The following PKD2 variants were observed in gnomAD, a reference collection of about 807,000 sequenced individuals.
PKD2 encodes the protein polycystin 2, transient receptor potential cation channel.
A neutral mutation model predicts 105.9 loss-of-function variants in PKD2; 48 were observed. That is an observed-to-expected ratio of 0.45 (90% CI 0.36 to 0.58). The LOEUF is 0.58. Ranked by LOEUF, PKD2 falls within the 20% of genes least tolerant of loss-of-function variation. The pLI, the probability that PKD2 is intolerant of heterozygous loss-of-function variation, is 0.00. For missense variants in PKD2, 1,078 were observed against 1,255.3 expected, an observed-to-expected ratio of 0.86 and a Z score of 2.13; for synonymous variants, 464 against 481.1, an observed-to-expected ratio of 0.96 and a Z score of 0.46.
In PKD2 at chr4:88,074,846, A is replaced by G. The variant is rs1721173433; in HGVS notation, c.2557A>G (p.Ile853Val). The part of the protein sequence containing the change: ...VRRVDRMEHS[I>V]GSIVSKIDAV... ...ACGAGTGGACCGGATGGAGCATTCCATCGGCAGCATAGTGTCCAAGATTGA... is the reference window on the plus strand; with the variant it reads ...ACGAGTGGACCGGATGGAGCATTCCGTCGGCAGCATAGTGTCCAAGATTGA... Residue 853 changes from isoleucine to valine, a missense_variant, in exon 14 of 15, where the codon ATC (isoleucine) becomes GTC (valine). This residue lies in a region of PKD2 where 868 missense variants were observed against 1,067.3 expected (regional missense o/e 0.81). Transcript: ENST00000237596. 6.2e-7 allele frequency: 1 copy of G among 1,614,106 alleles called. No individual in the cohort carries two copies. The highest frequency in any genetic ancestry group is 8.5e-7 in the Non-Finnish European group (1 of 1,179,964).
chr4:88,037,338 A>G (rs571712604), intron 3 of PKD2, among the ~76,000 whole-genome samples: 22 of 152,338 alleles, frequency 1.4e-4, no homozygotes, highest in South Asian at 8.3e-4. Flanking sequence ...ACAAATTCCA[A>G]CGTAGTTAAC....
chr4:88,073,917 G>A (rs993418273), intron 13 of PKD2, among the ~76,000 whole-genome samples: 14 of 152,202 alleles, frequency 9.2e-5, no homozygotes, highest in African/African-American at 2.6e-4. Flanking sequence ...TTTGGCTTAC[G>A]AGTTTTTAAA....
chr4:88,020,291 A>T (rs1237221640), intron 2 of PKD2, among the ~76,000 whole-genome samples: 1 of 152,234 alleles, frequency 6.6e-6, no homozygotes, highest in Non-Finnish European at 1.5e-5. Context: ...TTATTGGCGT[A>T]TACATGTAAT....
At chr4:88,023,535 A>G (rs1726842179) in intron 2 of PKD2, among the ~76,000 whole-genome samples, 1 of 152,234 alleles carries the variant, frequency 6.6e-6, no homozygotes, top group Non-Finnish European at 1.5e-5. Flanking sequence ...TAGGGTTTTA[A>G]AAAGCAGTTT....
rs146201167 is a variant in PKD2 at position 88,029,687 on chromosome 4, A to G, written c.710-6533A>G. 5.0e-3 allele frequency among the ~76,000 whole-genome samples: 759 copies of G among 152,344 alleles called. 9 individuals carry two copies. The highest frequency in any genetic ancestry group is 0.017 in the African/African-American group (720 of 41,576). ...TGGTCAGTAATTTAATTAAAAACAGATTTAGGCCCTGACCTTAAATGTGAT... is the reference window on the plus strand; with the variant it reads ...TGGTCAGTAATTTAATTAAAAACAGGTTTAGGCCCTGACCTTAAATGTGAT... On this transcript the variant is annotated intron_variant, in intron 2 of 14. Coordinates refer to ENST00000237596, the MANE Select transcript of PKD2 (RefSeq NM_000297.4).
chr4:88,008,850 TTGG>T (rs1418000147), intron 1 of PKD2, among the ~76,000 whole-genome samples: 4 of 152,288 alleles, frequency 2.6e-5, no homozygotes, highest in African/African-American at 9.6e-5. Flanking sequence ...CAGATTGTCA[TTGG>T]TGCATTTTTT....
chr4:88,011,648 C>G (rs1219876081), intron 1 of PKD2, among the ~76,000 whole-genome samples: 4 of 152,002 alleles, frequency 2.6e-5, no homozygotes, highest in East Asian at 1.9e-4. Context: ...TTCTGCCTTC[C>G]CTTTCGATGT....
intron 2 of PKD2, among the ~76,000 whole-genome samples, chr4:88,031,294 A>G (rs1727140550): frequency 6.6e-6 from 1 of 152,252 alleles, no homozygotes; most frequent in Non-Finnish European, 1.5e-5. Flanking sequence ...TCAACTTATG[A>G]TATTTTCAAT....
rs186832350 is a variant in PKD2, at chr4:88,065,243, A to G, written c.2119-131A>G. 9.0e-4 allele frequency: 714 copies of G among 797,334 alleles called. 5 individuals are homozygous for G. Among genetic ancestry groups the G allele is most frequent in the African/African-American group, 8.0e-3 (466 of 58,432 alleles). 49.4% of individuals were successfully genotyped at this position (797,334 alleles called of 1,614,324 possible). A position where few individuals can be genotyped will look rare whatever the true frequency, so the allele number is the denominator to read the frequency against. On this transcript the variant is annotated intron_variant, in intron 10 of 14. Coordinates refer to ENST00000237596, the MANE Select transcript of PKD2 (RefSeq NM_000297.4). The stretch of plus-strand genomic sequence containing the variant: ...AACTGGATACATTAATTCTTCATTC[A>G]TCCAGCACGTACTTGTTGAATGGCC...
chr4:88,028,406 C>G (rs1184713754), intron 2 of PKD2, among the ~76,000 whole-genome samples: 1 of 152,200 alleles, frequency 6.6e-6, no homozygotes, highest in Non-Finnish European at 1.5e-5. Flanking sequence ...CTTTTCACCA[C>G]AAACAGTTTC....
chr4:88,052,470 A>G (rs563360301), intron 7 of PKD2, among the ~76,000 whole-genome samples: 1 of 151,984 alleles, frequency 6.6e-6, no homozygotes, highest in African/African-American at 2.4e-5. Flanking sequence ...AGGTCTCATT[A>G]TGTTGCCCAG....
At chr4:88,056,714 T>C (rs749453090) in intron 8 of PKD2, among the ~76,000 whole-genome samples, 37 of 152,316 alleles carry the variant, frequency 2.4e-4, no homozygotes, top group Admixed American at 4.6e-4. Context: ...AGTTTTTTTT[T>C]CCAAAGATCC....
Position 88,075,893 on chromosome 4 carries a change from A to G in PKD2, c.*199A>G, listed in dbSNP as rs1020094839. 7 of 594,318 alleles carry G rather than the reference A, an allele frequency of 1.2e-5. No homozygotes were observed. The highest frequency in any genetic ancestry group is 1.2e-5 in the Non-Finnish European group (4 of 336,652). 36.8% of individuals were successfully genotyped at this position (594,318 alleles called of 1,614,324 possible). On this transcript the variant is annotated 3_prime_UTR_variant, in exon 15 of 15. Coordinates refer to ENST00000237596, the MANE Select transcript of PKD2 (RefSeq NM_000297.4). ...GATTTTTTTTTCTTTTTCTCATATA[A>G]GAAATCTAGGTGTAAATATTGAGTA...
At chr4:88,073,692 A>G (rs1040737096) in intron 13 of PKD2, among the ~76,000 whole-genome samples, 4 of 152,306 alleles carry the variant, frequency 2.6e-5, no homozygotes, top group Non-Finnish European at 5.9e-5. Context: ...GGGACAGGAG[A>G]GAAGGCTCAG....
intron 3 of PKD2, among the ~76,000 whole-genome samples, chr4:88,037,521 G>A (rs764503318): frequency 5.3e-5 from 8 of 152,166 alleles, no homozygotes; most frequent in Non-Finnish European, 4.4e-5. Context: ...TGATTTTAAG[G>A]ATAGAGACAA....
intron 8 of PKD2, among the ~76,000 whole-genome samples, chr4:88,057,280 C>T (rs1427328581): frequency 6.6e-6 from 1 of 151,748 alleles, no homozygotes; most frequent in African/African-American, 2.4e-5. Context: ...CATGAGCCAC[C>T]ACACCAGGCC....
chr4:88,033,203 G>A (rs1578127059), intron 2 of PKD2, among the ~76,000 whole-genome samples: 1 of 152,120 alleles, frequency 6.6e-6, no homozygotes. Context: ...GAGCAGGGAG[G>A]ATCACTTGAG....
chr4:88,064,624 G>A (rs1720717001), intron 10 of PKD2, among the ~76,000 whole-genome samples: 1 of 152,078 alleles, frequency 6.6e-6, no homozygotes, highest in Non-Finnish European at 1.5e-5. Flanking sequence ...CAGGGGCAGT[G>A]GCTCACCCCT....
Position 88,052,151 on chromosome 4 carries a change from G to T in PKD2, c.1709G>T (p.Trp570Leu), listed in dbSNP as rs1720129428. The T allele has an allele frequency of 6.4e-7, 1 of 1,570,122 alleles. No homozygotes were observed. ...NIAAVTVFFVWIKLFKFINFN... is the reference protein window; with the variant it reads ...NIAAVTVFFVLIKLFKFINFN... Reference sequence around the variant, plus strand: ...GCTGCTGTCACAGTATTTTTTGTCTGGATTAAGGTAATTTATAAATTTCAT... The same window carrying T: ...GCTGCTGTCACAGTATTTTTTGTCTTGATTAAGGTAATTTATAAATTTCAT... Residue 570 changes from tryptophan to leucine, a missense_variant, in exon 7 of 15, where the codon TGG becomes TTG. By Grantham distance (61) the Trp-to-Leu change is moderately conservative. This residue lies in a region of PKD2 where 868 missense variants were observed against 1,067.3 expected (regional missense o/e 0.81). Transcript: ENST00000237596.
Sources: allele counts gnomAD v4.1 joint callset (sites outside exome capture counted in the v4.1 genomes callset), GRCh38; gene constraint gnomAD v4.1.1; regional missense constraint gnomAD v4.1.1; transcripts MANE v1.5; gene names NCBI Gene and HGNC (gene_info 2026-07-23, HGNC 2026-07-21).